The following QSER1 variants were observed in gnomAD, a reference collection of about 807,000 sequenced individuals.
QSER1 encodes the protein glutamine and serine rich 1, also known as glutamine and serine-rich protein 1.
QSER1 carries 49 observed loss-of-function variants against 158.5 expected under a neutral mutation model. That is an observed-to-expected ratio of 0.31 (90% CI 0.25 to 0.39). The LOEUF (loss-of-function observed/expected upper bound fraction) is 0.39. Among genes scored for constraint, QSER1 ranks in the 10% least tolerant of loss-of-function variants. The pLI is 1.00. For synonymous variants in QSER1, 650 were observed against 715.5 expected (o/e 0.91, Z 1.46); for missense variants, 1,754 against 2,010.3 (o/e 0.87, Z 2.44).
At chr11:32,972,304 A>T (rs937100101) in intron 10 of QSER1, among the ~76,000 whole-genome samples, 1 of 152,128 alleles carries the variant, frequency 6.6e-6, no homozygotes, top group African/African-American at 2.4e-5. Flanking sequence ...TCATAATCAA[A>T]CTAGTTAAAT....
chr11:32,908,388 C>T (rs1302824585), intron 1 of QSER1, among the ~76,000 whole-genome samples: 2 of 152,112 alleles, frequency 1.3e-5, no homozygotes. Context: ...CAGTATTTTT[C>T]TTGGGCATCA....
At chr11:32,944,767 C>CT (rs1410441107) in intron 4 of QSER1, among the ~76,000 whole-genome samples, 1 of 140,028 alleles carries the variant, frequency 7.1e-6, no homozygotes, top group African/African-American at 2.7e-5. Context: ...TGGTGCAGAG[C>CT]TGAGTTCAAT....
intron 8 of QSER1, among the ~76,000 whole-genome samples, chr11:32,964,457 G>A (rs996073469): frequency 2.2e-4 from 33 of 152,122 alleles, no homozygotes; most frequent in Admixed American, 7.2e-4. Flanking sequence ...AGTGAAGAAA[G>A]TACATAGTAT....
intron 4 of QSER1, among the ~76,000 whole-genome samples, chr11:32,949,592 G>A (rs958758237): frequency 6.6e-6 from 1 of 152,196 alleles, no homozygotes; most frequent in African/African-American, 2.4e-5. Flanking sequence ...TGTTAGAAAT[G>A]TTTAACATTT....
chr11:32,894,324 T>C (rs1352272340), intron 1 of QSER1, among the ~76,000 whole-genome samples: 2 of 152,128 alleles, frequency 1.3e-5, no homozygotes, highest in African/African-American at 4.8e-5. Context: ...GTTTGGAGAA[T>C]TGGTGAGCGG....
At chr11:32,967,720 T>C (rs1852776399) in intron 9 of QSER1, among the ~76,000 whole-genome samples, 1 of 152,142 alleles carries the variant, frequency 6.6e-6, no homozygotes, top group African/African-American at 2.4e-5. Context: ...GTGACTTGCT[T>C]AAGGGCCCAC....
At chr11:32,904,601 C>CTTTTTT (rs61491135) in intron 1 of QSER1, among the ~76,000 whole-genome samples, 1 of 114,384 alleles carries the variant, frequency 8.7e-6, no homozygotes, top group African/African-American at 3.4e-5. Context: ...CATATCCACT[C>CTTTTTT]TTTTTTTTTT....
chr11:32,942,893 T>C (rs1272091395), intron 4 of QSER1, among the ~76,000 whole-genome samples: 2 of 152,188 alleles, frequency 1.3e-5, no homozygotes, highest in Non-Finnish European at 2.9e-5. Flanking sequence ...TTTGTTTGTA[T>C]CCTCTTTTAT....
chr11:32,899,900 A>T (rs1851603598), intron 1 of QSER1, among the ~76,000 whole-genome samples: 1 of 152,264 alleles, frequency 6.6e-6, no homozygotes, highest in African/African-American at 2.4e-5. Context: ...TGAATATTGA[A>T]TAGGTATTTC....
intron 1 of QSER1, among the ~76,000 whole-genome samples, chr11:32,913,345 C>T (rs1229797005): frequency 6.6e-6 from 1 of 151,914 alleles, no homozygotes; most frequent in African/African-American, 2.4e-5. Flanking sequence ...TGCGCGCCAC[C>T]ATGCCCAGCT....
rs1852994374 is a variant in QSER1, at chr11:32,977,266, A to G, written c.*792A>G. On this transcript the variant is annotated 3_prime_UTR_variant, in exon 13 of 13. Coordinates refer to ENST00000650167, the MANE Select transcript of QSER1 (RefSeq NM_001076786.3). ...TTATAATTACGTTTGATATATCTCT[A>G]CAACACCTTTTGTTATTTTCAGTAA... The G allele has an allele frequency of 6.6e-6, 1 of 152,630 alleles. No individual in the cohort carries two copies. The highest frequency in any genetic ancestry group is 2.4e-5 in the African/African-American group (1 of 41,458). 9.5% of individuals were successfully genotyped at this position (152,630 alleles called of 1,614,324 possible).
chr11:32,935,873 CAGGGATGTTAT>C (rs1852145230), intron 4 of QSER1, among the ~76,000 whole-genome samples: 1 of 152,102 alleles, frequency 6.6e-6, no homozygotes, highest in African/African-American at 2.4e-5. Context: ...GATGAGGCAA[CAGGGATGTTAT>C]AGAGTTAAAA....
At chr11:32,959,953 C>T (rs1852592139) in intron 8 of QSER1, among the ~76,000 whole-genome samples, 1 of 152,054 alleles carries the variant, frequency 6.6e-6, no homozygotes, top group Non-Finnish European at 1.5e-5. Context: ...TCTTTGTAGA[C>T]ACAGGGTCTC....
Position 32,957,065 on chromosome 11 carries a change from G to T in QSER1, c.4752-804G>T, listed in dbSNP as rs142034513. 4.6e-3 allele frequency among the ~76,000 whole-genome samples: 695 copies of T among 151,332 alleles called. 5 individuals are homozygous for T. Among genetic ancestry groups the T allele is most frequent in the African/African-American group, 0.016 (661 of 41,280 alleles). On this transcript the variant is annotated intron_variant, in intron 7 of 12. Coordinates refer to ENST00000650167, the MANE Select transcript of QSER1 (RefSeq NM_001076786.3). The stretch of plus-strand genomic sequence containing the variant: ...CAGGCATGAGCCACCATACCCAGCT[G>T]GCATACAGCAAATCTCGAGGGACTC...
intron 1 of QSER1, among the ~76,000 whole-genome samples, chr11:32,919,899 CTT>C (rs1338324506): frequency 6.6e-6 from 1 of 152,192 alleles, no homozygotes; most frequent in African/African-American, 2.4e-5. Context: ...ATTGGGAACT[CTT>C]TTCAAATAGC....
chr11:32,933,309 A>G lies in QSER1; in HGVS notation c.2051A>G (p.Tyr684Cys). ...YAERKLDSDV[Y>C]PSSKQEDGFP... ...GAAAGAAAGCTTGACTCAGATGTGT[A>G]TCCATCTTCAAAGCAAGAAGATGGT... Residue 684 changes from tyrosine to cysteine, a missense_variant, in exon 4 of 13, where the codon TAT (tyrosine) becomes TGT (cysteine). By Grantham distance (194) the Tyr-to-Cys change is radical. Coordinates refer to ENST00000650167, the MANE Select transcript of QSER1 (RefSeq NM_001076786.3). The G allele has an allele frequency of 6.2e-7, 1 of 1,610,896 alleles. No individual in the cohort carries two copies. Among genetic ancestry groups the G allele is most frequent in the African/African-American group, 1.3e-5 (1 of 74,916 alleles).
intron 1 of QSER1, among the ~76,000 whole-genome samples, chr11:32,895,431 CTG>C (rs938058977): frequency 9.9e-5 from 15 of 152,248 alleles, no homozygotes; most frequent in Admixed American, 7.8e-4. Flanking sequence ...ATTCCTCAAA[CTG>C]TGCAAATATT....
chr11:32,901,847 G>A (rs1851629713), intron 1 of QSER1, among the ~76,000 whole-genome samples: 2 of 152,230 alleles, frequency 1.3e-5, no homozygotes, highest in African/African-American at 4.8e-5. Context: ...ACTTTGGGAT[G>A]CTGAGATGGG....
At position 32,935,422 on chromosome 11, in the gene QSER1, AAAG is replaced by A; in HGVS notation, c.4170_4172del (p.Lys1391del). The A allele has an allele frequency of 2.0e-6, 3 of 1,509,602 alleles. No individual in the cohort carries two copies. Among genetic ancestry groups the A allele is most frequent in the Non-Finnish European group, 2.6e-6 (3 of 1,137,224 alleles). The allele number at this position is 1,509,602 out of a possible 1,614,324, so 93.5% of individuals were successfully genotyped here. ...CTACTTTGGATGCTACTTCTGATAAAAAGAAGAAAACAGGTAAAGTTTTACAAT... is the reference window on the plus strand; with the variant it reads ...CTACTTTGGATGCTACTTCTGATAAAAAGAAAACAGGTAAAGTTTTACAAT... On this transcript the variant is annotated inframe_deletion, in exon 4 of 13. Transcript: ENST00000650167.
Sources: gnomAD v4.1 joint callset for allele counts (sites outside exome capture counted in the v4.1 genomes callset) on GRCh38, gnomAD v4.1.1 for gene constraint, MANE v1.5 for transcripts, NCBI Gene and HGNC (gene_info 2026-07-23, HGNC 2026-07-21) for gene names.